Variants in SDCCAG8 observed in about 807,000 individuals in gnomAD.
The protein encoded by SDCCAG8 is serologically defined colon cancer antigen 8.
Under a neutral mutation model 101.8 loss-of-function variants are expected in SDCCAG8, and 74 were observed. That is an observed-to-expected ratio of 0.73 (90% CI 0.60 to 0.88). The LOEUF is 0.88. Ranked by LOEUF, SDCCAG8 falls within the 40% of genes least tolerant of loss-of-function variation. SDCCAG8 has a pLI of 0.00. For missense variants in SDCCAG8, 787 were observed against 822.6 expected (o/e 0.96, Z 0.53); for synonymous variants, 281 against 292.9 (o/e 0.96, Z 0.41).
chr1:243,483,215 G>A (rs2148236120), intron 16 of SDCCAG8, among the ~76,000 whole-genome samples: 1 of 152,186 alleles, frequency 6.6e-6, no homozygotes, highest in Non-Finnish European at 1.5e-5. Flanking sequence ...GGAGGCGGCG[G>A]GCGCCCGGGT....
intron 16 of SDCCAG8, among the ~76,000 whole-genome samples, chr1:243,473,941 C>CGGGGGGG (rs1373725794): frequency 6.0e-4 from 12 of 19,990 alleles, no homozygotes; most frequent in Admixed American, 1.5e-3. Context: ...GGGGGGGGGC[C>CGGGGGGG]GGGGGAGTAC....
At chr1:243,485,039 A>C (rs1224394549) in intron 16 of SDCCAG8, among the ~76,000 whole-genome samples, 1 of 137,372 alleles carries the variant, frequency 7.3e-6, no homozygotes, top group Non-Finnish European at 1.5e-5. Flanking sequence ...GCAAGACTCC[A>C]TCTCAAAAAA....
At chr1:243,321,089 T>G (rs980463024) in intron 9 of SDCCAG8, among the ~76,000 whole-genome samples, 1 of 152,214 alleles carries the variant, frequency 6.6e-6, no homozygotes, top group Non-Finnish European at 1.5e-5. Context: ...CTCTACCTAC[T>G]CAATGCTAGT....
intron 13 of SDCCAG8, among the ~76,000 whole-genome samples, chr1:243,402,591 CTT>C (rs2079484053): frequency 6.6e-6 from 1 of 152,056 alleles, no homozygotes; most frequent in Non-Finnish European, 1.5e-5. Flanking sequence ...TACAGCATGT[CTT>C]GATCCAACCT....
At chr1:243,485,829 T>G (rs1053800245) in intron 16 of SDCCAG8, among the ~76,000 whole-genome samples, 1 of 151,314 alleles carries the variant, frequency 6.6e-6, no homozygotes, top group Non-Finnish European at 1.5e-5. Context: ...GAGGCGGAGG[T>G]TGCAGTGAGC....
intron 9 of SDCCAG8, among the ~76,000 whole-genome samples, chr1:243,329,803 G>T (rs1039625816): frequency 6.6e-6 from 1 of 152,172 alleles, no homozygotes; most frequent in African/African-American, 2.4e-5. Flanking sequence ...TAAAGATATT[G>T]TAAAAGTGGC....
At chr1:243,499,734 T>A in intron 17 of SDCCAG8, 22 bp from the exon 18 acceptor site, 6 of 1,597,224 alleles carry the variant, frequency 3.8e-6, no homozygotes, top group Non-Finnish European at 5.2e-6. Flanking sequence ...TATTGAAACT[T>A]ACTTTTTATT....
intron 13 of SDCCAG8, among the ~76,000 whole-genome samples, chr1:243,380,509 C>T (rs1044279453): frequency 6.6e-6 from 1 of 152,104 alleles, no homozygotes; most frequent in African/African-American, 2.4e-5. Flanking sequence ...GAGTTAATTT[C>T]TGAAGTCAAA....
At chr1:243,353,219 G>A (rs2147822862) in intron 12 of SDCCAG8, among the ~76,000 whole-genome samples, 1 of 151,976 alleles carries the variant, frequency 6.6e-6, no homozygotes, top group Admixed American at 6.6e-5. Flanking sequence ...GGCCAGCCGT[G>A]GTGGCTCATG....
chr1:243,321,043 G>A (rs1332108198), intron 9 of SDCCAG8, among the ~76,000 whole-genome samples: 1 of 151,910 alleles, frequency 6.6e-6, no homozygotes, highest in African/African-American at 2.4e-5. Flanking sequence ...TCTTTGCTTT[G>A]GATGCTGTTC....
At position 243,474,290 on chromosome 1, in the gene SDCCAG8, C is replaced by T. The variant is rs1252081188; in HGVS notation, c.1986-14724C>T. On this transcript the variant is annotated intron_variant, in intron 16 of 17. Transcript: ENST00000366541. The surrounding 1 kb of genome is among the most constrained non-coding windows in gnomAD (Gnocchi z 4.7). ...CTTTCACCCATCTCCTCCTCTCAAC[C>T]GTCATCCCGGTTTAATCCTCTCCTT... 2.0e-5 allele frequency among the ~76,000 whole-genome samples: 3 copies of T among 152,154 alleles called. No individual in the cohort carries two copies. The highest frequency in any genetic ancestry group is 1.3e-4 in the Admixed American group (2 of 15,274).
chr1:243,393,835 G>A (rs2078875885), intron 13 of SDCCAG8, among the ~76,000 whole-genome samples: 1 of 152,046 alleles, frequency 6.6e-6, no homozygotes, highest in Non-Finnish European at 1.5e-5. Flanking sequence ...TGTGATACAG[G>A]CATTTCTACT....
intron 16 of SDCCAG8, among the ~76,000 whole-genome samples, chr1:243,465,011 C>T (rs928529475): frequency 1.3e-5 from 2 of 152,240 alleles, no homozygotes; most frequent in African/African-American, 4.8e-5. Context: ...CCAGTGTGAT[C>T]AATCATTTGA....
At chr1:243,267,953 A>C in intron 1 of SDCCAG8, 1 of 786,814 alleles carries the variant, frequency 1.3e-6, no homozygotes, top group Non-Finnish European at 2.4e-6. Context: ...ATATTGGCAA[A>C]ATAATCAGGA....
chr1:243,316,937 T>C (rs977804626), intron 9 of SDCCAG8, 44 bp downstream of exon 9: 1 of 1,585,336 alleles, frequency 6.3e-7, no homozygotes, highest in Non-Finnish European at 8.6e-7. Context: ...TCTTTTTTTT[T>C]TCTTTTTTCT....
chr1:243,495,989 C>T (rs1205370615), intron 17 of SDCCAG8, among the ~76,000 whole-genome samples: 2 of 152,166 alleles, frequency 1.3e-5, no homozygotes, highest in African/African-American at 2.4e-5. Flanking sequence ...TTTCATGTCA[C>T]TTGATTTCTG....
Position 243,396,080 on chromosome 1 carries a change from C to T in SDCCAG8, c.1616+17217C>T, listed in dbSNP as rs537229847. Among the ~76,000 whole-genome samples the T allele has an allele frequency of 1.7e-3, 266 of 152,218 alleles. 3 individuals carry two copies. Among genetic ancestry groups the T allele is most frequent in the African/African-American group, 6.3e-3 (260 of 41,532 alleles). On this transcript the variant is annotated intron_variant, in intron 13 of 17. Transcript: ENST00000366541. Reference sequence around the variant, plus strand: ...ATATTTTCTCCTAAAAAATGATCTTCCATTTTCTTATAAGAAATTTGAATT... The same window carrying T: ...ATATTTTCTCCTAAAAAATGATCTTTCATTTTCTTATAAGAAATTTGAATT...
chr1:243,428,454 C>T (rs1457849086), intron 16 of SDCCAG8, among the ~76,000 whole-genome samples: 1 of 152,120 alleles, frequency 6.6e-6, no homozygotes, highest in African/African-American at 2.4e-5. Flanking sequence ...TTAAACAACA[C>T]AGATTTGAAC....
intron 16 of SDCCAG8, among the ~76,000 whole-genome samples, chr1:243,440,053 G>A (rs1005879422): frequency 2.0e-5 from 3 of 152,080 alleles, no homozygotes; most frequent in African/African-American, 7.2e-5. Flanking sequence ...TGCAGTTTCC[G>A]GAGCTTTCTG....
Sources: allele counts gnomAD v4.1 joint callset (sites outside exome capture counted in the v4.1 genomes callset), GRCh38; gene constraint gnomAD v4.1.1; non-coding constraint Gnocchi (gnomAD v3.1); transcripts MANE v1.5; gene names NCBI Gene and HGNC (gene_info 2026-07-23, HGNC 2026-07-21).